GRM7: variants seen among roughly 807,000 people sequenced by gnomAD.
The protein encoded by GRM7 is metabotropic glutamate receptor 7.
GRM7 carries 35 observed loss-of-function variants against 84.5 expected under a neutral mutation model. The observed-to-expected ratio is 0.41, with a 90% CI of 0.32 to 0.55. GRM7 has a LOEUF of 0.55. Ranked by LOEUF, GRM7 falls within the 20% of genes least tolerant of loss-of-function variation. The pLI is 0.19. For synonymous variants in GRM7, 487 were observed against 455.1 expected (o/e 1.07, Z -0.89); for missense variants, 1,003 against 1,194.6 (o/e 0.84, Z 2.36).
chr3:7,677,270 A>C (rs1420870337), intron 8 of GRM7, among the ~76,000 whole-genome samples: 5 of 66,862 alleles, frequency 7.5e-5, no homozygotes, highest in Non-Finnish European at 1.4e-4. Context: ...TTTAAAAAAA[A>C]AAAAAAAAAA....
At chr3:7,572,077 T>C (rs1694690768) in intron 7 of GRM7, among the ~76,000 whole-genome samples, 1 of 152,282 alleles carries the variant, frequency 6.6e-6, no homozygotes, top group African/African-American at 2.4e-5. Context: ...CACATGGGAA[T>C]TGTGGGAGTT....
At chr3:7,037,707 C>A (rs775139715) in intron 1 of GRM7, among the ~76,000 whole-genome samples, 1 of 152,074 alleles carries the variant, frequency 6.6e-6, no homozygotes, top group Non-Finnish European at 1.5e-5. Flanking sequence ...CCTGTAGGAA[C>A]AAGGAAAATA....
At position 7,410,210 on chromosome 3, in the gene GRM7, A is replaced by G. The variant is rs546511855; in HGVS notation, c.1034-4813A>G. 7.0e-4 allele frequency among the ~76,000 whole-genome samples: 107 copies of G among 152,296 alleles called. No homozygotes were observed. The Middle Eastern group carries it at 0.017, about 24-fold the overall frequency. On this transcript the variant is annotated intron_variant, in intron 4 of 9. Transcript: ENST00000357716. ...GGGGTTCGGTGTTACTAGATCTTCTAACTTAATAAGCAAAACTAGAAATCT... is the reference window on the plus strand; with the variant it reads ...GGGGTTCGGTGTTACTAGATCTTCTGACTTAATAAGCAAAACTAGAAATCT...
chr3:7,366,923 A>G (rs1422533413), intron 4 of GRM7, among the ~76,000 whole-genome samples: 3 of 151,492 alleles, frequency 2.0e-5, no homozygotes, highest in African/African-American at 7.3e-5. Flanking sequence ...GGTCATGGTT[A>G]TACTTTTTAA....
At chr3:7,363,980 T>A (rs1400133147) in intron 4 of GRM7, among the ~76,000 whole-genome samples, 1 of 152,184 alleles carries the variant, frequency 6.6e-6, no homozygotes, top group African/African-American at 2.4e-5. Flanking sequence ...AAAAAGAAAG[T>A]TTATTCTCCA....
At chr3:7,364,497 T>C (rs1693797362) in intron 4 of GRM7, among the ~76,000 whole-genome samples, 1 of 151,872 alleles carries the variant, frequency 6.6e-6, no homozygotes, top group Non-Finnish European at 1.5e-5. Flanking sequence ...GACATATTTG[T>C]ATTTATTTAT....
rs193210033 is a variant in GRM7, at chr3:7,556,068, A to G, written c.1516-22354A>G. ...AGTGGCTTATAAACAACAGGCATTTATTTCTCACAGAAGTCCAAGATCAAG... is the reference window on the plus strand; with the variant it reads ...AGTGGCTTATAAACAACAGGCATTTGTTTCTCACAGAAGTCCAAGATCAAG... On this transcript the variant is annotated intron_variant, in intron 7 of 9. Transcript: ENST00000357716. 6.6e-5 allele frequency among the ~76,000 whole-genome samples: 10 copies of G among 152,288 alleles called. No homozygotes were observed. The East Asian group carries it at 1.9e-3, about 29-fold the overall frequency.
rs562175477 is a variant in GRM7, at chr3:7,461,751, T to C, written c.1515+29T>C. On this transcript the variant is annotated intron_variant, in intron 7 of 9. Coordinates refer to ENST00000357716, the MANE Select transcript of GRM7 (RefSeq NM_000844.4). Reference sequence around the variant, plus strand: ...AGTTCTGCTTGCTTCTCTTCTTCCCTTGTTGAGATGAATGAACAGACTTTT... The same window carrying C: ...AGTTCTGCTTGCTTCTCTTCTTCCCCTGTTGAGATGAATGAACAGACTTTT... 17 of 1,604,264 alleles carry C rather than the reference T, an allele frequency of 1.1e-5. No individual in the cohort carries two copies. The African/African-American group carries it at 1.6e-4, about 15-fold the overall frequency.
At chr3:6,875,884 A>G (rs979875522) in intron 1 of GRM7, among the ~76,000 whole-genome samples, 1 of 152,158 alleles carries the variant, frequency 6.6e-6, no homozygotes, top group Non-Finnish European at 1.5e-5. Context: ...ATTCATTCTT[A>G]CTTACAGACT....
intron 8 of GRM7, among the ~76,000 whole-genome samples, chr3:7,598,276 A>G (rs1194332465): frequency 1.3e-5 from 2 of 152,188 alleles, no homozygotes; most frequent in Non-Finnish European, 2.9e-5. Context: ...TAGCTGTGCT[A>G]TTTGGACACA....
intron 4 of GRM7, among the ~76,000 whole-genome samples, chr3:7,395,556 G>A (rs1318477401): frequency 1.3e-5 from 2 of 152,068 alleles, no homozygotes; most frequent in Non-Finnish European, 2.9e-5. Flanking sequence ...CAAGGGTGGG[G>A]CCAGGTGGAG....
At chr3:7,064,491 CATATATATATACACAT>C (rs1429729892) in intron 1 of GRM7, among the ~76,000 whole-genome samples, 4 of 69,646 alleles carry the variant, frequency 5.7e-5, no homozygotes, top group Non-Finnish European at 1.2e-4. Flanking sequence ...CACACATATA[CATATATATATACACAT>C]ATATATATAT....
chr3:7,375,438 T>TCGAA lies in GRM7; in HGVS notation c.1034-39583_1034-39580dup, dbSNP rs570210340. On this transcript the variant is annotated intron_variant, in intron 4 of 9. Transcript: ENST00000357716. ...TTTTACCATATTGGCCAGGCTGGTCTCGAACTCCTGACCTTGTGATCCACC... is the reference window on the plus strand; with the variant it reads ...TTTTACCATATTGGCCAGGCTGGTCTCGAACGAACTCCTGACCTTGTGATCCACC... Among the ~76,000 whole-genome samples, 22 of 152,154 alleles carry TCGAA rather than the reference T, an allele frequency of 1.4e-4. No individual in the cohort carries two copies. The South Asian group carries it at 4.6e-3, about 32-fold the overall frequency.
At chr3:7,738,971 T>C (rs1379535328) in intron 9 of GRM7, among the ~76,000 whole-genome samples, 2 of 152,208 alleles carry the variant, frequency 1.3e-5, no homozygotes, top group East Asian at 1.9e-4. Context: ...ATTGAGGCCA[T>C]GTGTTCATCA....
At chr3:7,505,364 G>A (rs1559367449) in intron 7 of GRM7, among the ~76,000 whole-genome samples, 1 of 152,226 alleles carries the variant, frequency 6.6e-6, no homozygotes, top group South Asian at 2.1e-4. Context: ...TCTTGAGGGT[G>A]ACCCTGACCC....
At chr3:6,966,859 G>T (rs1398629183) in intron 1 of GRM7, among the ~76,000 whole-genome samples, 1 of 152,158 alleles carries the variant, frequency 6.6e-6, no homozygotes, top group African/African-American at 2.4e-5. Context: ...ATAAATCTTG[G>T]TCCTACCATT....
In GRM7 at chr3:7,081,412, C is replaced by T. The variant is rs140565226; in HGVS notation, c.520-65040C>T. 5.2e-3 allele frequency among the ~76,000 whole-genome samples: 784 copies of T among 152,118 alleles called. 9 individuals carry two copies. Among genetic ancestry groups the T allele is most frequent in the African/African-American group, 0.018 (740 of 41,532 alleles). ...ATTGTGGGGCACCACAAACAGTCTC[C>T]GTGTAAGACAATAAACTTAATCAGT... On this transcript the variant is annotated intron_variant, in intron 1 of 9. Transcript: ENST00000357716.
chr3:7,233,838 C>A (rs142358648), intron 2 of GRM7, among the ~76,000 whole-genome samples: 2 of 152,218 alleles, frequency 1.3e-5, no homozygotes, highest in East Asian at 3.9e-4. Context: ...AGGACTGATC[C>A]TTCCCCTCCC....
At chr3:7,710,069 T>A (rs1031782627) in intron 9 of GRM7, among the ~76,000 whole-genome samples, 4 of 152,272 alleles carry the variant, frequency 2.6e-5, no homozygotes, top group African/African-American at 9.6e-5. Context: ...ATAAGTACTA[T>A]GCATAAGTAT....
Sources: gnomAD v4.1 joint callset for allele counts (sites outside exome capture counted in the v4.1 genomes callset) on GRCh38, gnomAD v4.1.1 for gene constraint, MANE v1.5 for transcripts, NCBI Gene and HGNC (gene_info 2026-07-23, HGNC 2026-07-21) for gene names.